Variants in NMU observed in about 807,000 individuals in gnomAD.
The protein encoded by NMU is neuromedin-U.
A neutral mutation model predicts 35.4 loss-of-function variants in NMU; 29 were observed. The ratio of observed to expected loss-of-function variants is 0.82; its 90% CI spans 0.61 to 1.12. The LOEUF is 1.12. Among genes scored for constraint, NMU ranks in the 50% most tolerant of loss-of-function variants. The pLI is 0.00. For synonymous variants in NMU, 78 were observed against 81.3 expected, an observed-to-expected ratio of 0.96 and a Z score of 0.22; for missense variants, 199 against 206.2, an observed-to-expected ratio of 0.97 and a Z score of 0.21.
chr4:55,597,526 A>G (rs28451532), intron 9 of NMU, among the ~76,000 whole-genome samples: 27,880 of 151,846 alleles, frequency 0.18, 2,722 homozygotes, highest in South Asian at 0.25. Flanking sequence ...GCACCACCAC[A>G]CCAGGCTAAT....
intron 3 of NMU, among the ~76,000 whole-genome samples, chr4:55,612,840 T>G (rs1018451519): frequency 2.4e-4 from 37 of 152,298 alleles, no homozygotes; most frequent in African/African-American, 8.9e-4. Context: ...ATTTTCTACT[T>G]GGTAAAAATG....
chr4:55,626,421 A>G (rs142468753), intron 2 of NMU, among the ~76,000 whole-genome samples: 3 of 152,242 alleles, frequency 2.0e-5, no homozygotes, highest in Non-Finnish European at 4.4e-5. Context: ...TCTTCTTTCA[A>G]AGGCTGGGCA....
At chr4:55,626,713 C>T (rs903798390) in intron 2 of NMU, among the ~76,000 whole-genome samples, 3 of 152,094 alleles carry the variant, frequency 2.0e-5, no homozygotes, top group African/African-American at 7.2e-5. Flanking sequence ...GTCTCAAAAA[C>T]AAAAACAAAA....
At chr4:55,630,283 T>C (rs1734703849) in intron 2 of NMU, 119 bp downstream of exon 2, 3 of 825,934 alleles carry the variant, frequency 3.6e-6, no homozygotes, top group Non-Finnish European at 5.9e-6. Flanking sequence ...TAATTCTGGG[T>C]TTTATTATTA....
At chr4:55,603,927 AT>A (rs369229101) in intron 7 of NMU, among the ~76,000 whole-genome samples, 10,606 of 46,868 alleles carry the variant, frequency 0.23, 2,130 homozygotes, top group East Asian at 0.41. Flanking sequence ...AAAAAAAAAA[AT>A]ATATATATAT....
chr4:55,595,623 G>GTGTATATATA (rs1269725159), intron 9 of NMU, among the ~76,000 whole-genome samples: 1 of 102,178 alleles, frequency 9.8e-6, no homozygotes, highest in African/African-American at 3.8e-5. Flanking sequence ...GTGTGTGTGT[G>GTGTATATATA]TATATATATA....
At chr4:55,609,238 A>G in intron 3 of NMU, 59 bp from the exon 4 acceptor site, 1 of 1,291,950 alleles carries the variant, frequency 7.7e-7, no homozygotes, top group South Asian at 1.2e-5. Flanking sequence ...TTTACATAGA[A>G]GAGGTAACTA....
intron 1 of NMU, among the ~76,000 whole-genome samples, chr4:55,631,971 A>T (rs911071974): frequency 3.9e-5 from 6 of 152,252 alleles, no homozygotes; most frequent in Non-Finnish European, 8.8e-5. Context: ...TACACCATGG[A>T]CTATCTCTCA....
At chr4:55,605,554 C>T (rs1328497049) in intron 6 of NMU, among the ~76,000 whole-genome samples, 1 of 152,188 alleles carries the variant, frequency 6.6e-6, no homozygotes, top group Non-Finnish European at 1.5e-5. Context: ...AATTTGGTAG[C>T]TCTACGCTGG....
At chr4:55,616,247 C>G in intron 3 of NMU, 91 bp downstream of exon 3, 1 of 874,790 alleles carries the variant, frequency 1.1e-6, no homozygotes, top group Admixed American at 1.7e-5. Context: ...CATGTTTTCA[C>G]GAACACATAA....
At chr4:55,619,215 G>C (rs558612047) in intron 2 of NMU, among the ~76,000 whole-genome samples, 1 of 151,140 alleles carries the variant, frequency 6.6e-6, no homozygotes, top group Admixed American at 6.6e-5. Flanking sequence ...CGTGAGCGAC[G>C]CAGAAGACGG....
chr4:55,598,966 C>T (rs973644684), intron 9 of NMU, among the ~76,000 whole-genome samples, 176 bp downstream of exon 9: 1 of 152,118 alleles, frequency 6.6e-6, no homozygotes, highest in Non-Finnish European at 1.5e-5. Context: ...CTTACAGCTC[C>T]TATCATTGTA....
intron 7 of NMU, among the ~76,000 whole-genome samples, chr4:55,604,018 T>TATATATATGTATATATACACATGTAC (rs71192025): frequency 1.3e-5 from 1 of 79,570 alleles, no homozygotes; most frequent in Non-Finnish European, 2.6e-5. Context: ...TATATATGTG[T>TATATATATGTATATATACACATGTAC]ATATATATAA....
chr4:55,600,320 G>A (rs937904283), intron 8 of NMU, among the ~76,000 whole-genome samples: 1 of 152,212 alleles, frequency 6.6e-6, no homozygotes, highest in African/African-American at 2.4e-5. Flanking sequence ...TGAGCAATAG[G>A]TCAAAGAAGA....
intron 3 of NMU, among the ~76,000 whole-genome samples, chr4:55,609,576 C>T (rs1733849099): frequency 1.3e-5 from 2 of 152,158 alleles, no homozygotes; most frequent in African/African-American, 4.8e-5. Context: ...AAGCTGTGAG[C>T]CTCGCTGAAT....
At chr4:55,612,997 T>C (rs1240025669) in intron 3 of NMU, among the ~76,000 whole-genome samples, 1 of 152,126 alleles carries the variant, frequency 6.6e-6, no homozygotes, top group Non-Finnish European at 1.5e-5. Context: ...GATCATATCC[T>C]TTGCAGCAAC....
In NMU at chr4:55,610,495, G is replaced by T. The variant is rs903470075; in HGVS notation, c.220-1316C>A. 2.6e-5 allele frequency among the ~76,000 whole-genome samples: 4 copies of T among 151,146 alleles called. No individual in the cohort carries two copies. In the South Asian group the frequency reaches 8.3e-4, roughly 32 times the overall value. ...AAAAAAAAAGAAAGACATATGAAAA[G>T]AATTGTTCAAGGCCTCCAGTAGTCT... On this transcript the variant is annotated intron_variant, in intron 3 of 9. Transcript: ENST00000264218.
At chr4:55,595,563 T>TATATATATATATATATACACAC (rs755203914) in intron 9 of NMU, among the ~76,000 whole-genome samples, 152 bp from the exon 10 acceptor site, 1 of 120,054 alleles carries the variant, frequency 8.3e-6, no homozygotes, top group East Asian at 2.9e-4. Context: ...TATATATATA[T>TATATATATATATATATACACAC]ACACACACAC....
chr4:55,610,464 GAAA>G (rs769375732), intron 3 of NMU, among the ~76,000 whole-genome samples: 1 of 132,402 alleles, frequency 7.6e-6, no homozygotes, highest in East Asian at 2.2e-4. Flanking sequence ...CTCTGTCTCA[GAAA>G]AAAAAAAAAA....
Sources: gnomAD v4.1 joint callset for allele counts (sites outside exome capture counted in the v4.1 genomes callset) on GRCh38, gnomAD v4.1.1 for gene constraint, MANE v1.5 for transcripts, NCBI Gene and HGNC (gene_info 2026-07-23, HGNC 2026-07-21) for gene names.